The following JMJD1C variants were observed in gnomAD, a reference collection of about 807,000 sequenced individuals.
JMJD1C encodes jumonji domain-containing protein 1C.
In JMJD1C, 31 loss-of-function variants were observed where a neutral mutation model predicts 245.3. The observed-to-expected ratio is 0.13, with a 90% CI of 0.09 to 0.17. The LOEUF is 0.17. Ranked by LOEUF, JMJD1C falls within the 10% of genes least tolerant of loss-of-function variation. The probability of loss-of-function intolerance (pLI) is 1.00; values close to 1 mark genes in which losing one functional copy is unlikely to be tolerated. For synonymous variants in JMJD1C, 1,057 were observed against 1,017.4 expected (o/e 1.04, Z -0.74); for missense variants, 2,691 against 3,000.2 (o/e 0.90, Z 2.41).
At chr10:63,213,424 C>G in intron 8 of JMJD1C, 49 bp downstream of exon 8, 3 of 1,031,862 alleles carry the variant, frequency 2.9e-6, no homozygotes, top group South Asian at 1.6e-5. Flanking sequence ...AGCACCTGTA[C>G]ATGTTCATTA....
upstream of JMJD1C, among the ~76,000 whole-genome samples, chr10:63,467,599 A>G (rs528952377): frequency 3.9e-5 from 6 of 152,382 alleles, no homozygotes; most frequent in Admixed American, 2.0e-4. Context: ...GAGAGAAAAA[A>G]TTTTGCTTGG....
At chr10:63,219,424 G>A (rs1361697164) in intron 4 of JMJD1C, among the ~76,000 whole-genome samples, 1 of 152,092 alleles carries the variant, frequency 6.6e-6, no homozygotes, top group Non-Finnish European at 1.5e-5. Flanking sequence ...CTGGTTTGAA[G>A]GTCACACGTT....
At chr10:63,361,202 C>T (rs35732435) in intron 2 of JMJD1C, among the ~76,000 whole-genome samples, 30,681 of 152,160 alleles carry the variant, frequency 0.2, 4,064 homozygotes, top group Non-Finnish European at 0.29. Context: ...CTGGGCACAT[C>T]ACCTGAGGTC....
At chr10:63,462,269 C>T (rs964620624) in intron 1 of JMJD1C, among the ~76,000 whole-genome samples, 3 of 152,090 alleles carry the variant, frequency 2.0e-5, no homozygotes, top group Non-Finnish European at 2.9e-5. Flanking sequence ...TCCAACATAA[C>T]CTAATGAAAA....
chr10:63,422,205 A>G (rs983932421), intron 1 of JMJD1C, among the ~76,000 whole-genome samples: 1 of 152,170 alleles, frequency 6.6e-6, no homozygotes, highest in African/African-American at 2.4e-5. Flanking sequence ...TGAGGTTGGT[A>G]ATTCAAGACC....
In JMJD1C at chr10:63,214,345, C is replaced by T; in HGVS notation, c.1822G>A (p.Val608Ile). 6.2e-7 allele frequency: 1 copy of T among 1,614,022 alleles called. No homozygotes were observed. Among genetic ancestry groups the T allele is most frequent in the Non-Finnish European group, 8.5e-7 (1 of 1,179,972 alleles). ...SYISPLSAVSVMEDKLHKRSP... is the reference protein window; with the variant it reads ...SYISPLSAVSIMEDKLHKRSP... The stretch of plus-strand genomic sequence containing the variant: ...CGCTTATGCAGCTTATCTTCCATGA[C>T]AGAAACTGCACTTAAAGGAGAAATG... Residue 608 changes from valine to isoleucine, a missense_variant, in exon 8 of 26, where the codon GTC becomes ATC. Physicochemically the swap from Val to Ile is conservative, Grantham distance 29 (BLOSUM62 3). Around this residue, in one of 9 missense-constraint regions of JMJD1C, gnomAD observed 1,562 missense variants for 1,490.7 expected, o/e 1.05. Transcript: ENST00000399262.
chr10:63,481,404 G>A (rs879070066), intron 1 of JMJD1C, among the ~76,000 whole-genome samples: 12 of 151,786 alleles, frequency 7.9e-5, no homozygotes, highest in Admixed American at 3.3e-4. Flanking sequence ...TAAAATAGTG[G>A]ACACATTTCC....
intron 2 of JMJD1C, among the ~76,000 whole-genome samples, chr10:63,351,843 G>T (rs1296402086): frequency 6.6e-6 from 1 of 152,118 alleles, no homozygotes; most frequent in Non-Finnish European, 1.5e-5. Flanking sequence ...ACCAGTCCCA[G>T]TATGAATTCA....
At chr10:63,216,684 T>C (rs892328234) in intron 5 of JMJD1C, among the ~76,000 whole-genome samples, 3 of 152,068 alleles carry the variant, frequency 2.0e-5, no homozygotes, top group Non-Finnish European at 4.4e-5. Context: ...CACTCCAGCC[T>C]GGGCGACAGA....
intron 1 of JMJD1C, among the ~76,000 whole-genome samples, chr10:63,388,717 A>C (rs1168162868): frequency 6.6e-6 from 1 of 152,202 alleles, no homozygotes; most frequent in African/African-American, 2.4e-5. Flanking sequence ...CATGTTAATA[A>C]TAAAACAGAT....
intron 24 of JMJD1C, among the ~76,000 whole-genome samples, chr10:63,171,752 A>C (rs1199006239): frequency 6.6e-6 from 1 of 152,180 alleles, no homozygotes; most frequent in Non-Finnish European, 1.5e-5. Context: ...GCCCTCCATG[A>C]AATTCTAACA....
chr10:63,196,915 G>T (rs1266532921), intron 13 of JMJD1C, among the ~76,000 whole-genome samples: 1 of 152,060 alleles, frequency 6.6e-6, no homozygotes, highest in Admixed American at 6.6e-5. Context: ...TCCCACCTCA[G>T]CCTCCCAGGT....
At chr10:63,254,911 T>C (rs1436430741) in intron 3 of JMJD1C, among the ~76,000 whole-genome samples, 3 of 151,634 alleles carry the variant, frequency 2.0e-5, no homozygotes, top group Admixed American at 6.6e-5. Flanking sequence ...TCAAGTGCAG[T>C]GGCGAGACCA....
chr10:63,412,158 G>T (rs7093777), intron 1 of JMJD1C, among the ~76,000 whole-genome samples: 21,695 of 152,012 alleles, frequency 0.14, 3,662 homozygotes, highest in African/African-American at 0.41. Flanking sequence ...TCGAAAAGCT[G>T]AATGTAATTT....
At chr10:63,210,885 G>A (rs1359984645) in intron 8 of JMJD1C, among the ~76,000 whole-genome samples, 3 of 152,226 alleles carry the variant, frequency 2.0e-5, no homozygotes, top group South Asian at 2.1e-4. Flanking sequence ...TCCCATCTAC[G>A]ACAAAAGCAA....
intron 10 of JMJD1C, 43 bp downstream of exon 10, chr10:63,206,552 T>C: frequency 6.8e-7 from 1 of 1,464,742 alleles, no homozygotes; most frequent in Non-Finnish European, 9.2e-7. Flanking sequence ...AGCTAAAACA[T>C]TCAGCCCATT....
chr10:63,487,793 C>G (rs1954044629), intron 1 of JMJD1C, among the ~76,000 whole-genome samples: 1 of 152,294 alleles, frequency 6.6e-6, no homozygotes. Context: ...TTACTACATT[C>G]ATCGGGAATA....
At chr10:63,357,219 A>G (rs1944922513) in intron 2 of JMJD1C, among the ~76,000 whole-genome samples, 1 of 152,110 alleles carries the variant, frequency 6.6e-6, no homozygotes, top group African/African-American at 2.4e-5. Context: ...TTTTTAGTAG[A>G]GATGGGATTT....
intron 1 of JMJD1C, among the ~76,000 whole-genome samples, chr10:63,472,441 C>T (rs1434189990): frequency 6.6e-6 from 1 of 152,142 alleles, no homozygotes; most frequent in African/African-American, 2.4e-5. Flanking sequence ...AAGCAATTCT[C>T]GTGCCTCAGT....
Sources: allele counts gnomAD v4.1 joint callset (sites outside exome capture counted in the v4.1 genomes callset), GRCh38; gene constraint gnomAD v4.1.1; regional missense constraint gnomAD v4.1.1; transcripts MANE v1.5; gene names NCBI Gene and HGNC (gene_info 2026-07-23, HGNC 2026-07-21).